PACRG: variants seen among roughly 807,000 people sequenced by gnomAD.
PACRG encodes the protein parkin coregulated gene protein.
In PACRG, 29 loss-of-function variants were observed where a neutral mutation model predicts 29.7. The ratio of observed to expected loss-of-function variants is 0.98; its 90% CI spans 0.73 to 1.33. The LOEUF is 1.33. PACRG is among the 40% of genes most tolerant of loss of function. The probability of loss-of-function intolerance (pLI) is 0.00; values close to 1 mark genes in which losing one functional copy is unlikely to be tolerated. For synonymous variants in PACRG, 116 were observed against 118.7 expected, an observed-to-expected ratio of 0.98 and a Z score of 0.15; for missense variants, 279 against 316.2, an observed-to-expected ratio of 0.88 and a Z score of 0.89.
At position 162,957,254 on chromosome 6, in the gene PACRG, A is replaced by G. The variant is rs564074699; in HGVS notation, c.292-104896A>G. 38 of 492,758 alleles carry G rather than the reference A, an allele frequency of 7.7e-5. No individual in the cohort carries two copies. The East Asian group carries it at 1.2e-3, about 15-fold the overall frequency. The allele number at this position is 492,758 out of a possible 1,614,324, so 30.5% of individuals were successfully genotyped here. A position where few individuals can be genotyped will look rare whatever the true frequency, so the allele number is the denominator to read the frequency against. On this transcript the variant is annotated intron_variant, in intron 2 of 4. Coordinates refer to ENST00000366888, the MANE Select transcript of PACRG (RefSeq NM_001080379.2). ...CAGCTTCAACACTTTTGAAGTGCTT[A>G]TGCTGTCAACACTTTCACAATGATT...
At chr6:162,836,355 AGAAGCCT>A (rs1208720392) in intron 2 of PACRG, among the ~76,000 whole-genome samples, 1 of 152,114 alleles carries the variant, frequency 6.6e-6, no homozygotes, top group African/African-American at 2.4e-5. Flanking sequence ...TCAGGGAAGC[AGAAGCCT>A]CCTCCTCTTC....
chr6:162,934,135 A>G (rs1053718883), intron 2 of PACRG, among the ~76,000 whole-genome samples: 1 of 151,826 alleles, frequency 6.6e-6, no homozygotes, highest in African/African-American at 2.4e-5. Flanking sequence ...ATGGTGGCAC[A>G]CTCCTGTAAT....
intron 2 of PACRG, among the ~76,000 whole-genome samples, chr6:163,046,041 C>T (rs2128241803): frequency 6.6e-6 from 1 of 152,118 alleles, no homozygotes; most frequent in East Asian, 2.0e-4. Context: ...CCTAAAGTGT[C>T]CAGTCCAGAC....
intron 4 of PACRG, among the ~76,000 whole-genome samples, chr6:163,098,608 G>C (rs1814812251): frequency 6.6e-6 from 1 of 152,142 alleles, no homozygotes; most frequent in Admixed American, 6.5e-5. Context: ...TTTTGTTACA[G>C]GAAAGGGGTC....
chr6:163,159,583 C>T (rs2128341418), intron 4 of PACRG, among the ~76,000 whole-genome samples: 1 of 152,164 alleles, frequency 6.6e-6, no homozygotes, highest in East Asian at 1.9e-4. Context: ...TCCTCAGCCA[C>T]TGTATTCAGT....
chr6:162,741,758 G>C (rs1040593515), intron 1 of PACRG, among the ~76,000 whole-genome samples: 1 of 152,118 alleles, frequency 6.6e-6, no homozygotes, highest in Non-Finnish European at 1.5e-5. Context: ...TGGAGTTCTT[G>C]GCTGCCAGAA....
chr6:162,947,470 A>AATCATATATATATAATCATATATATAATC (rs61434250), intron 2 of PACRG, among the ~76,000 whole-genome samples: 1 of 96,182 alleles, frequency 1.0e-5, no homozygotes, highest in Non-Finnish European at 2.0e-5. Flanking sequence ...AATCATATAT[A>AATCATATATATATAATCATATATATAATC]ATATATATAT....
At chr6:163,223,291 G>A (rs1229249233) in intron 4 of PACRG, among the ~76,000 whole-genome samples, 1 of 152,194 alleles carries the variant, frequency 6.6e-6, no homozygotes, top group Non-Finnish European at 1.5e-5. Flanking sequence ...CTACTTGGGA[G>A]GCTGAGGCAG....
intron 1 of PACRG, among the ~76,000 whole-genome samples, chr6:162,800,824 G>A (rs1052374723): frequency 6.6e-6 from 1 of 152,140 alleles, no homozygotes; most frequent in African/African-American, 2.4e-5. Flanking sequence ...CTTGTTGCCT[G>A]TAGTGCCTTA....
chr6:163,132,650 A>C (rs1181510388), intron 4 of PACRG, among the ~76,000 whole-genome samples: 1 of 152,226 alleles, frequency 6.6e-6, no homozygotes, highest in Non-Finnish European at 1.5e-5. Flanking sequence ...AAAGACCCTG[A>C]GACATAACCC....
chr6:163,027,919 C>T (rs1182674829), intron 2 of PACRG, among the ~76,000 whole-genome samples: 6 of 152,170 alleles, frequency 3.9e-5, no homozygotes, highest in Non-Finnish European at 8.8e-5. Context: ...AGGACTCTCC[C>T]ACACTGTCCC....
chr6:162,753,575 A>G (rs1478833305), intron 1 of PACRG, among the ~76,000 whole-genome samples: 1 of 152,154 alleles, frequency 6.6e-6, no homozygotes, highest in Non-Finnish European at 1.5e-5. Flanking sequence ...CCCCACCCAA[A>G]TTCATCTCGA....
chr6:163,084,609 G>A (rs146132394), intron 3 of PACRG, among the ~76,000 whole-genome samples: 1 of 152,078 alleles, frequency 6.6e-6, no homozygotes, highest in Non-Finnish European at 1.5e-5. Flanking sequence ...ACGCGTTACA[G>A]TTCAGGCATT....
intron 3 of PACRG, among the ~76,000 whole-genome samples, chr6:163,076,829 C>G (rs1812592122): frequency 6.6e-6 from 1 of 152,110 alleles, no homozygotes. Context: ...TCTCCACTCC[C>G]TACCCTCAAC....
chr6:162,774,707 T>A (rs1028978723), intron 1 of PACRG, among the ~76,000 whole-genome samples: 1 of 152,216 alleles, frequency 6.6e-6, no homozygotes, highest in Non-Finnish European at 1.5e-5. Context: ...TGTTTTTTTC[T>A]AGCTTTCTTG....
chr6:162,899,396 C>T (rs1178368749), intron 2 of PACRG, among the ~76,000 whole-genome samples: 1 of 152,112 alleles, frequency 6.6e-6, no homozygotes, highest in Non-Finnish European at 1.5e-5. Flanking sequence ...GACGTCTCAC[C>T]TTTCTAGGAT....
chr6:163,158,199 G>T (rs1361092917), intron 4 of PACRG, among the ~76,000 whole-genome samples: 1 of 152,188 alleles, frequency 6.6e-6, no homozygotes, highest in Admixed American at 6.5e-5. Flanking sequence ...GCTGCTGACT[G>T]TATTAAGAAT....
chr6:162,961,712 TCCA>T (rs1463183982), intron 2 of PACRG, among the ~76,000 whole-genome samples: 1 of 152,186 alleles, frequency 6.6e-6, no homozygotes, highest in African/African-American at 2.4e-5. Flanking sequence ...CACCTTCTCC[TCCA>T]CCATCTTCAT....
chr6:163,058,671 C>G (rs184544088), intron 2 of PACRG, among the ~76,000 whole-genome samples: 1 of 151,988 alleles, frequency 6.6e-6, no homozygotes, highest in Non-Finnish European at 1.5e-5. Context: ...CCAAGGCGAG[C>G]GGATCATGAG....
Sources: gnomAD v4.1 joint callset for allele counts (sites outside exome capture counted in the v4.1 genomes callset) on GRCh38, gnomAD v4.1.1 for gene constraint, MANE v1.5 for transcripts, NCBI Gene and HGNC (gene_info 2026-07-23, HGNC 2026-07-21) for gene names.